DISP1: variants seen among roughly 807,000 people sequenced by gnomAD.
DISP1 encodes protein dispatched homolog 1.
In DISP1, 30 loss-of-function variants were observed where a neutral mutation model predicts 37.3. The ratio of observed to expected loss-of-function variants is 0.80; its 90% CI spans 0.60 to 1.09. The LOEUF (loss-of-function observed/expected upper bound fraction) is 1.09, where lower values mean the gene tolerates loss of function less well. Ranked by LOEUF, DISP1 falls within the 50% of genes least tolerant of loss-of-function variation. The pLI is 0.00. For missense variants in DISP1, 1,598 were observed against 1,879.5 expected (o/e 0.85, Z 2.77); for synonymous variants, 634 against 690.2 (o/e 0.92, Z 1.28).
chr1:222,980,410 AGTGTGTGTGT>A (rs3028495), intron 3 of DISP1, among the ~76,000 whole-genome samples: 2 of 148,054 alleles, frequency 1.4e-5, no homozygotes, highest in Admixed American at 6.8e-5. Flanking sequence ...GATGTAACAA[AGTGTGTGTGT>A]GTGTGTGTGT....
At chr1:222,964,076 G>A (rs1676275011) in intron 3 of DISP1, among the ~76,000 whole-genome samples, 2 of 152,008 alleles carry the variant, frequency 1.3e-5, no homozygotes, top group Admixed American at 1.3e-4. Context: ...TGAGGCAGGT[G>A]GATCACAAGG....
At chr1:222,985,413 A>G (rs1200119826) in intron 4 of DISP1, among the ~76,000 whole-genome samples, 1 of 152,218 alleles carries the variant, frequency 6.6e-6, no homozygotes, top group Non-Finnish European at 1.5e-5. Flanking sequence ...GCACTGTGGG[A>G]GGCCGAGGCG....
chr1:222,873,275 A>G (rs1474073811), intron 1 of DISP1, among the ~76,000 whole-genome samples: 2 of 152,220 alleles, frequency 1.3e-5, no homozygotes, highest in Non-Finnish European at 2.9e-5. Context: ...AGAGTTCTGT[A>G]GAGGTTTATT....
intron 1 of DISP1, among the ~76,000 whole-genome samples, chr1:222,904,812 C>T (rs1228355371): frequency 6.6e-6 from 1 of 152,076 alleles, no homozygotes; most frequent in African/African-American, 2.4e-5. Flanking sequence ...ATGATCTGCC[C>T]ACCTCGGTCT....
intron 3 of DISP1, among the ~76,000 whole-genome samples, chr1:222,946,508 G>A (rs1337606645): frequency 6.6e-6 from 1 of 151,322 alleles, no homozygotes; most frequent in African/African-American, 2.4e-5. Context: ...ATACTTTATT[G>A]TGCCTCAATG....
intron 3 of DISP1, among the ~76,000 whole-genome samples, chr1:222,951,004 T>C (rs1256220889): frequency 6.6e-6 from 1 of 152,222 alleles, no homozygotes; most frequent in Non-Finnish European, 1.5e-5. Context: ...ATTATCATGA[T>C]AGGGAACCTG....
intron 1 of DISP1, among the ~76,000 whole-genome samples, chr1:222,815,477 A>G (rs1188873161): frequency 1.3e-5 from 2 of 152,108 alleles, no homozygotes; most frequent in African/African-American, 4.8e-5. Context: ...GGGAGAGGTT[A>G]CAGAGGAGGG....
chr1:222,864,375 T>G (rs1036858425), intron 1 of DISP1, among the ~76,000 whole-genome samples: 2 of 152,216 alleles, frequency 1.3e-5, no homozygotes, highest in Non-Finnish European at 2.9e-5. Flanking sequence ...TGGCATTAGG[T>G]ATTAATAGAT....
At position 223,005,319 on chromosome 1, in the gene DISP1, A is replaced by C; in HGVS notation, c.3922A>C (p.Ile1308Leu). 6.2e-7 allele frequency: 1 copy of C among 1,613,622 alleles called. No homozygotes were observed. Among genetic ancestry groups the C allele is most frequent in the Non-Finnish European group, 8.5e-7 (1 of 1,180,016 alleles). ...CSPTTSSFVQ[I>L]QNGVAPLKAT... ...TCCTACCACTAGCAGCTTTGTCCAG[A>C]TCCAAAACGGCGTGGCACCTCTGAA... The change falls in exon 9 of 9, where the codon ATC becomes CTC. Residue 1308 changes from isoleucine (I) to leucine (L), a missense_variant. Transcript: ENST00000675850.
At chr1:222,916,204 C>T (rs1035435372) in intron 1 of DISP1, among the ~76,000 whole-genome samples, 1 of 152,222 alleles carries the variant, frequency 6.6e-6, no homozygotes, top group Non-Finnish European at 1.5e-5. Flanking sequence ...CCAGTTACAG[C>T]ATTCTGAGTC....
At chr1:222,957,145 TA>T (rs35888809) in intron 3 of DISP1, among the ~76,000 whole-genome samples, 30,909 of 103,042 alleles carry the variant, frequency 0.3, 3,612 homozygotes, top group South Asian at 0.41. Context: ...TTTACTATTG[TA>T]AAAAAAAAAA....
intron 2 of DISP1, among the ~76,000 whole-genome samples, chr1:222,936,592 G>GATATATATCTCTCATATATATGAGAT (rs1558339092): frequency 1.0e-4 from 5 of 49,938 alleles, no homozygotes; most frequent in Non-Finnish European, 1.4e-4. Flanking sequence ...ATATATGAGA[G>GATATATATCTCTCATATATATGAGAT]ATATATATCT....
At chr1:222,924,651 T>A (rs540645728) in intron 1 of DISP1, among the ~76,000 whole-genome samples, 1 of 152,312 alleles carries the variant, frequency 6.6e-6, no homozygotes, top group South Asian at 2.1e-4. Context: ...TCCAAATTAC[T>A]AAACTATTAA....
At chr1:222,985,357 A>C (rs1289068015) in intron 4 of DISP1, among the ~76,000 whole-genome samples, 5 of 152,230 alleles carry the variant, frequency 3.3e-5, no homozygotes, top group Non-Finnish European at 5.9e-5. Context: ...CCCTCTAAAA[A>C]ACACATATTT....
chr1:222,968,259 T>C (rs1402743234), intron 3 of DISP1, among the ~76,000 whole-genome samples: 1 of 152,082 alleles, frequency 6.6e-6, no homozygotes, highest in Non-Finnish European at 1.5e-5. Flanking sequence ...CAAGAAACCA[T>C]ATGCAACTCC....
In DISP1 at chr1:222,980,410, A is replaced by AGTGTGTGTGTGTGTGTGT. The variant is rs3028495; in HGVS notation, c.510-2657_510-2640dup. Among the ~76,000 whole-genome samples, 19 of 148,162 alleles carry AGTGTGTGTGTGTGTGTGT rather than the reference A, an allele frequency of 1.3e-4. 1 individual carries two copies. The South Asian group carries it at 2.8e-3, about 22-fold the overall frequency. On this transcript the variant is annotated intron_variant, in intron 3 of 8. Coordinates refer to ENST00000675850, the MANE Select transcript of DISP1 (RefSeq NM_001377229.1). ...AAATAGGAATGGGCTGATGTAACAAAGTGTGTGTGTGTGTGTGTGTGTGTG... is the reference window on the plus strand; with the variant it reads ...AAATAGGAATGGGCTGATGTAACAAAGTGTGTGTGTGTGTGTGTGTGTGTGTGTGTGTGTGTGTGTGTG...
At chr1:222,824,885 A>T (rs1398086718) in intron 1 of DISP1, among the ~76,000 whole-genome samples, 1 of 152,130 alleles carries the variant, frequency 6.6e-6, no homozygotes, top group African/African-American at 2.4e-5. Flanking sequence ...CTTTACAACC[A>T]CAAGTTATTG....
At chr1:222,916,893 G>T (rs1010761502) in intron 1 of DISP1, among the ~76,000 whole-genome samples, 2 of 152,146 alleles carry the variant, frequency 1.3e-5, no homozygotes, top group African/African-American at 2.4e-5. Flanking sequence ...ACCATTGGAG[G>T]TTATAAGAGT....
At chr1:222,869,540 C>A (rs978304540) in intron 1 of DISP1, among the ~76,000 whole-genome samples, 4 of 152,070 alleles carry the variant, frequency 2.6e-5, no homozygotes, top group Non-Finnish European at 5.9e-5. Context: ...TTGATTCAAG[C>A]ACTGCATTTT....
Sources: gnomAD v4.1 joint callset for allele counts (sites outside exome capture counted in the v4.1 genomes callset) on GRCh38, gnomAD v4.1.1 for gene constraint, MANE v1.5 for transcripts, NCBI Gene and HGNC (gene_info 2026-07-23, HGNC 2026-07-21) for gene names.